The following CDK17 variants were observed in gnomAD, a reference collection of about 807,000 sequenced individuals.
CDK17 encodes the protein cyclin-dependent kinase 17.
Under a neutral mutation model 77.6 loss-of-function variants are expected in CDK17, and 24 were observed. That is an observed-to-expected ratio of 0.31 (90% CI 0.22 to 0.44). The LOEUF (loss-of-function observed/expected upper bound fraction) is 0.44, where lower values mean the gene tolerates loss of function less well. Among genes scored for constraint, CDK17 ranks in the 20% least tolerant of loss-of-function variants. The pLI is 1.00. For synonymous variants in CDK17, 203 were observed against 210.4 expected (o/e 0.96, Z 0.30); for missense variants, 429 against 622.5 (o/e 0.69, Z 3.31).
intron 3 of CDK17, among the ~76,000 whole-genome samples, chr12:96,318,098 A>C (rs1195904563): frequency 6.6e-6 from 1 of 151,784 alleles, no homozygotes; most frequent in Non-Finnish European, 1.5e-5. Flanking sequence ...AAAAGGATGG[A>C]GGAAGATCTA....
chr12:96,280,771 C>T (rs201278234), intron 16 of CDK17, 37 bp downstream of exon 16: 88 of 1,603,906 alleles, frequency 5.5e-5, no homozygotes, highest in Non-Finnish European at 2.0e-5. Flanking sequence ...CGCAAAAATT[C>T]ATGATCGACA....
intron 1 of CDK17, among the ~76,000 whole-genome samples, chr12:96,367,854 TA>T (rs11434289): frequency 0.02 from 2,747 of 137,092 alleles, 47 homozygotes; most frequent in African/African-American, 0.048. Flanking sequence ...CATCTCTACT[TA>T]AAAAAAAAAA....
In CDK17 at chr12:96,286,030, GAA is replaced by G; in HGVS notation, c.1322+11_1322+12del. On this transcript the variant is annotated intron_variant, in intron 13 of 16. Transcript: ENST00000261211. ...ATGTGTTTTCCCCCCTTTCACATAA[GAA>G]AAAAAAATACCTGGGTGCGTGGTTA... 7.3e-7 allele frequency: 1 copy of G among 1,360,712 alleles called. No homozygotes were observed. Among genetic ancestry groups the G allele is most frequent in the South Asian group, 1.2e-5 (1 of 83,100 alleles). The allele number at this position is 1,360,712 out of a possible 1,614,324, so 84.3% of individuals were successfully genotyped here. A position where few individuals can be genotyped will look rare whatever the true frequency, so the allele number is the denominator to read the frequency against.
intron 1 of CDK17, among the ~76,000 whole-genome samples, chr12:96,395,762 T>C (rs2137253681): frequency 6.6e-6 from 1 of 152,294 alleles, no homozygotes; most frequent in East Asian, 1.9e-4. Context: ...ACGGGATTTG[T>C]GCCCTTTTAA....
intron 1 of CDK17, among the ~76,000 whole-genome samples, chr12:96,382,794 C>T (rs1258252924): frequency 2.0e-5 from 3 of 151,992 alleles, no homozygotes; most frequent in African/African-American, 7.3e-5. Flanking sequence ...AAAAAGCTTT[C>T]GATAAAACCC....
At chr12:96,365,564 T>C (rs78970056) in intron 1 of CDK17, among the ~76,000 whole-genome samples, 2,366 of 152,334 alleles carry the variant, frequency 0.016, 57 homozygotes, top group African/African-American at 0.054. Flanking sequence ...AGCAATATTC[T>C]TGAATAGTCA....
chr12:96,391,876 T>C (rs1485166524), intron 1 of CDK17, among the ~76,000 whole-genome samples: 1 of 152,184 alleles, frequency 6.6e-6, no homozygotes, highest in African/African-American at 2.4e-5. Context: ...ACCAAAACTG[T>C]ATAGCTCCAA....
intron 1 of CDK17, among the ~76,000 whole-genome samples, chr12:96,399,713 G>C (rs1161737860): frequency 6.6e-6 from 1 of 152,098 alleles, no homozygotes; most frequent in East Asian, 1.9e-4. Flanking sequence ...GTCTATATCT[G>C]TCGGCGCCTC....
At chr12:96,304,539 A>ATAC (rs78721332) in intron 5 of CDK17, among the ~76,000 whole-genome samples, 1 of 151,526 alleles carries the variant, frequency 6.6e-6, no homozygotes, top group African/African-American at 2.4e-5. Flanking sequence ...CTGTCTCAAA[A>ATAC]AACAACAAAA....
intron 5 of CDK17, 140 bp downstream of exon 5, chr12:96,310,912 A>G: frequency 1.2e-6 from 1 of 844,112 alleles, no homozygotes; most frequent in Non-Finnish European, 1.8e-6. Context: ...AATGGAAAAT[A>G]ATAAAAATCG....
chr12:96,398,866 G>A (rs1217462367), intron 1 of CDK17, among the ~76,000 whole-genome samples: 1 of 152,106 alleles, frequency 6.6e-6, no homozygotes, highest in Non-Finnish European at 1.5e-5. Flanking sequence ...TGTCTTTGGT[G>A]GACATATTCA....
At chr12:96,293,257 T>G (rs1952351570) in intron 10 of CDK17, among the ~76,000 whole-genome samples, 1 of 152,146 alleles carries the variant, frequency 6.6e-6, no homozygotes, top group South Asian at 2.1e-4. Flanking sequence ...CAGGCTGGTC[T>G]TAAACTCCCG....
At chr12:96,311,552 A>G (rs1158448391) in intron 4 of CDK17, among the ~76,000 whole-genome samples, 2 of 91,074 alleles carry the variant, frequency 2.2e-5, no homozygotes, top group South Asian at 3.1e-4. Context: ...TGTATGCAAC[A>G]TGGGGAAAGA....
intron 5 of CDK17, among the ~76,000 whole-genome samples, chr12:96,302,298 C>T (rs1216078345): frequency 6.6e-6 from 1 of 151,922 alleles, no homozygotes; most frequent in South Asian, 2.1e-4. Flanking sequence ...AGTCTGATTA[C>T]GAATAATCTT....
chr12:96,389,290 G>A (rs12230683), intron 1 of CDK17, among the ~76,000 whole-genome samples: 21,158 of 151,860 alleles, frequency 0.14, 1,672 homozygotes, highest in South Asian at 0.31. Flanking sequence ...TTAAAATAAC[G>A]AGCTTATAGT....
At chr12:96,283,269 G>GC (rs1952199830) in intron 14 of CDK17, among the ~76,000 whole-genome samples, 1 of 152,040 alleles carries the variant, frequency 6.6e-6, no homozygotes, top group African/African-American at 2.4e-5. Flanking sequence ...AATATGAATG[G>GC]CATTTGGAGG....
At chr12:96,338,996 T>C (rs189376193) in intron 1 of CDK17, among the ~76,000 whole-genome samples, 2 of 151,816 alleles carry the variant, frequency 1.3e-5, no homozygotes, top group Admixed American at 6.6e-5. Context: ...GCAACCAAAG[T>C]CCACTGTGTA....
At chr12:96,291,987 T>C (rs763973745) in intron 10 of CDK17, among the ~76,000 whole-genome samples, 2 of 151,788 alleles carry the variant, frequency 1.3e-5, no homozygotes, top group Non-Finnish European at 2.9e-5. Context: ...AAGGAAATAG[T>C]GGCTGGGGGA....
At chr12:96,320,256 T>G (rs1220126685) in intron 3 of CDK17, among the ~76,000 whole-genome samples, 1 of 144,832 alleles carries the variant, frequency 6.9e-6, no homozygotes, top group Non-Finnish European at 1.5e-5. Flanking sequence ...ACAAGGGATG[T>G]GAAGGACCTC....
Sources: gnomAD v4.1 joint callset for allele counts (sites outside exome capture counted in the v4.1 genomes callset) on GRCh38, gnomAD v4.1.1 for gene constraint, MANE v1.5 for transcripts, NCBI Gene and HGNC (gene_info 2026-07-23, HGNC 2026-07-21) for gene names.